PARVB: variants seen among roughly 807,000 people sequenced by gnomAD.
PARVB encodes beta-parvin.
PARVB carries 46 observed loss-of-function variants against 47.0 expected under a neutral mutation model. The observed-to-expected ratio is 0.98, with a 90% CI of 0.77 to 1.25. The LOEUF is 1.25. Ranked by LOEUF, PARVB falls within the 50% of genes most tolerant of loss-of-function variation. The pLI is 0.00. For synonymous variants in PARVB, 196 were observed against 196.3 expected (o/e 1.00, Z 0.01); for missense variants, 473 against 471.6 (o/e 1.00, Z -0.03).
intron 2 of PARVB, among the ~76,000 whole-genome samples, chr22:44,018,524 C>T (rs1271433161): frequency 2.0e-5 from 3 of 152,234 alleles, no homozygotes; most frequent in Non-Finnish European, 1.5e-5. Context: ...CTTCACTTCC[C>T]TAACCTGGAA....
chr22:44,160,692 G>T (rs1415996532), intron 11 of PARVB, among the ~76,000 whole-genome samples: 1 of 152,210 alleles, frequency 6.6e-6, no homozygotes, highest in Non-Finnish European at 1.5e-5. Flanking sequence ...GCAATTTCCT[G>T]CCTGGCATTT....
intron 1 of PARVB, among the ~76,000 whole-genome samples, chr22:44,066,812 T>A (rs1601551710): frequency 6.8e-6 from 1 of 146,718 alleles, no homozygotes; most frequent in East Asian, 2.0e-4. Context: ...CTCCTCCTCC[T>A]CCTCCTCCTC....
chr22:44,126,528 C>A (rs1026195165), intron 4 of PARVB, among the ~76,000 whole-genome samples: 1 of 152,156 alleles, frequency 6.6e-6, no homozygotes, highest in African/African-American at 2.4e-5. Flanking sequence ...CTGATGCTGT[C>A]TGAAGGGATA....
At chr22:44,131,348 G>C in intron 4 of PARVB, 139 bp from the exon 5 acceptor site, 3 of 786,958 alleles carry the variant, frequency 3.8e-6, no homozygotes, top group Non-Finnish European at 6.1e-6. Flanking sequence ...CACCATATTT[G>C]CCAGGCTGGT....
At chr22:44,146,363 G>GCACACACGTGCTCGCACA (rs2053681286) in intron 8 of PARVB, 8 of 140,864 alleles carry the variant, frequency 5.7e-5, no homozygotes, top group African/African-American at 8.0e-5. Context: ...ACACACACAT[G>GCACACACGTGCTCGCACA]CACACACGTG....
chr22:44,146,437 C>CAT (rs1569152820), intron 8 of PARVB: 1 of 152,222 alleles, frequency 6.6e-6, no homozygotes, highest in African/African-American at 2.4e-5. Context: ...CATGCTCACA[C>CAT]GCGCACACAC....
chr22:44,053,036 C>G (rs1268066802), intron 1 of PARVB, among the ~76,000 whole-genome samples: 1 of 151,952 alleles, frequency 6.6e-6, no homozygotes, highest in African/African-American at 2.4e-5. Flanking sequence ...ATGGTTTAAA[C>G]CAACAATTTA....
chr22:44,036,345 CTG>C (rs201682388), intron 1 of PARVB, among the ~76,000 whole-genome samples: 9 of 151,930 alleles, frequency 5.9e-5, no homozygotes, highest in Admixed American at 1.3e-4. Context: ...TGAACACAGT[CTG>C]TGTGTGTGTG....
chr22:44,131,532 C>T lies in PARVB; in HGVS notation c.422C>T (p.Ser141Phe). 1.9e-6 allele frequency: 3 copies of T among 1,614,054 alleles called. No homozygotes were observed. Among genetic ancestry groups the T allele is most frequent in the African/African-American group, 1.3e-5 (1 of 75,002 alleles). ...CTGAATGTGGCTGAGGTGACACAGTCCGAAATAGGGCAGAAACAGAAGCTG... is the reference window on the plus strand; with the variant it reads ...CTGAATGTGGCTGAGGTGACACAGTTCGAAATAGGGCAGAAACAGAAGCTG... ...CKLNVAEVTQSEIGQKQKLQT... is the reference protein window; with the variant it reads ...CKLNVAEVTQFEIGQKQKLQT... Residue 141 changes from serine (S) to phenylalanine (F), a missense_variant, in exon 5 of 13, where the codon TCC becomes TTC. Physicochemically the swap from Ser to Phe is radical, Grantham distance 155. Coordinates refer to ENST00000338758, the MANE Select transcript of PARVB (RefSeq NM_013327.5).
At chr22:44,086,948 C>T (rs976898870) in intron 1 of PARVB, 22 of 494,506 alleles carry the variant, frequency 4.4e-5, no homozygotes, top group African/African-American at 1.0e-4. Context: ...ATGCCCCCTC[C>T]CCAGCTGGGA....
intron 1 of PARVB, among the ~76,000 whole-genome samples, chr22:44,043,706 A>G (rs1440152646): frequency 6.6e-6 from 1 of 152,118 alleles, no homozygotes; most frequent in African/African-American, 2.4e-5. Flanking sequence ...GGCAAATTGT[A>G]TGGAATGTGA....
At chr22:44,168,007 C>T (rs2054206974) in intron 12 of PARVB, 1 of 155,324 alleles carries the variant, frequency 6.4e-6, no homozygotes, top group East Asian at 1.9e-4. Flanking sequence ...AGGACTAAAG[C>T]ACAGGGTCAT....
At chr22:44,095,235 A>G (rs79567075) in intron 2 of PARVB, among the ~76,000 whole-genome samples, 14,653 of 152,116 alleles carry the variant, frequency 0.096, 734 homozygotes, top group Middle Eastern at 0.17. Context: ...CAGGGCGGGC[A>G]CGGTGGCTCA....
chr22:44,167,686 C>T (rs1465790071), intron 12 of PARVB, among the ~76,000 whole-genome samples: 1 of 58,930 alleles, frequency 1.7e-5, no homozygotes, highest in Non-Finnish European at 4.1e-5. Flanking sequence ...GGATCCCTGA[C>T]AGAGCCCCGG....
chr22:44,017,047 G>A (rs2050590800), intron 2 of PARVB, among the ~76,000 whole-genome samples: 2 of 151,834 alleles, frequency 1.3e-5, no homozygotes, highest in Admixed American at 6.6e-5. Flanking sequence ...AGCTAATTTT[G>A]TATTTTTAGT....
At chr22:44,151,160 C>T (rs1187173627) in intron 9 of PARVB, 3 of 249,848 alleles carry the variant, frequency 1.2e-5, no homozygotes, top group Non-Finnish European at 2.4e-5. Context: ...TAATGATCCT[C>T]CCCTGGCAGT....
chr22:44,034,781 G>A (rs1040933368), intron 1 of PARVB, among the ~76,000 whole-genome samples: 3 of 148,336 alleles, frequency 2.0e-5, no homozygotes, highest in Middle Eastern at 3.2e-3. Flanking sequence ...TGCAATCTTG[G>A]CTCACTGCAA....
chr22:44,016,998 C>T lies in PARVB; in HGVS notation c.211+17325C>T, dbSNP rs182296573. Among the ~76,000 whole-genome samples the T allele has an allele frequency of 4.7e-3, 719 of 152,278 alleles. 7 individuals carry two copies. Among genetic ancestry groups the T allele is most frequent in the African/African-American group, 0.017 (689 of 41,562 alleles). On this transcript the variant is annotated intron_variant, in intron 2 of 13. Transcript: ENST00000406477. Reference sequence around the variant, plus strand: ...TCAAGTGATTCTTCTGCCTCAGCCTCCCGAGTAGCTGGGATTACAGGTGTG... The same window carrying T: ...TCAAGTGATTCTTCTGCCTCAGCCTTCCGAGTAGCTGGGATTACAGGTGTG...
intron 2 of PARVB, among the ~76,000 whole-genome samples, chr22:44,097,731 C>T (rs760676475): frequency 2.0e-5 from 3 of 152,278 alleles, no homozygotes; most frequent in Non-Finnish European, 4.4e-5. Flanking sequence ...TGCTGTCCAC[C>T]CTCTCAGGCC....
Sources: gnomAD v4.1 joint callset for allele counts (sites outside exome capture counted in the v4.1 genomes callset) on GRCh38, gnomAD v4.1.1 for gene constraint, MANE v1.5 for transcripts, NCBI Gene and HGNC (gene_info 2026-07-23, HGNC 2026-07-21) for gene names.